Variants in AGBL4 observed in about 807,000 individuals in gnomAD.
AGBL4 encodes AGBL carboxypeptidase 4, also known as cytosolic carboxypeptidase 6.
In AGBL4, 58 loss-of-function variants were observed where a neutral mutation model predicts 66.4. The observed-to-expected ratio is 0.87, with a 90% CI of 0.71 to 1.09. AGBL4 has a LOEUF of 1.09. Ranked by LOEUF, AGBL4 falls within the 50% of genes least tolerant of loss-of-function variation. AGBL4 has a pLI of 0.00. For missense variants in AGBL4, 579 were observed against 631.0 expected (o/e 0.92, Z 0.88); for synonymous variants, 234 against 222.9 (o/e 1.05, Z -0.44).
At chr1:49,671,731 A>C (rs768025611) in intron 3 of AGBL4, among the ~76,000 whole-genome samples, 3 of 152,208 alleles carry the variant, frequency 2.0e-5, no homozygotes, top group Non-Finnish European at 4.4e-5. Flanking sequence ...GCATATGAAA[A>C]AAATCTCAAA....
intron 4 of AGBL4, among the ~76,000 whole-genome samples, chr1:49,100,462 G>C (rs1645181112): frequency 6.6e-6 from 1 of 152,204 alleles, no homozygotes; most frequent in Admixed American, 6.5e-5. Flanking sequence ...GGAGAATCTG[G>C]ATGGTGCATC....
chr1:48,601,618 C>T (rs1645074757), intron 9 of AGBL4, among the ~76,000 whole-genome samples: 1 of 152,184 alleles, frequency 6.6e-6, no homozygotes, highest in Non-Finnish European at 1.5e-5. Flanking sequence ...CACCATCTTG[C>T]ACATTTATAC....
At chr1:49,465,404 G>C (rs1646608917) in intron 3 of AGBL4, among the ~76,000 whole-genome samples, 1 of 151,664 alleles carries the variant, frequency 6.6e-6, no homozygotes, top group Non-Finnish European at 1.5e-5. Flanking sequence ...GTCAGAATAA[G>C]AGCTGCCTTA....
chr1:49,741,945 T>C (rs1277502584), intron 2 of AGBL4, among the ~76,000 whole-genome samples: 2 of 152,066 alleles, frequency 1.3e-5, no homozygotes, highest in Non-Finnish European at 2.9e-5. Context: ...GCCAATATCA[T>C]ACTGAATGGG....
At chr1:50,018,324 A>G (rs1383470112) in intron 1 of AGBL4, among the ~76,000 whole-genome samples, 1 of 152,154 alleles carries the variant, frequency 6.6e-6, no homozygotes, top group Non-Finnish European at 1.5e-5. Flanking sequence ...TGTTTTATGG[A>G]TCCCATTAAA....
intron 3 of AGBL4, among the ~76,000 whole-genome samples, chr1:49,681,026 T>C (rs1285669108): frequency 6.6e-6 from 1 of 152,180 alleles, no homozygotes; most frequent in Non-Finnish European, 1.5e-5. Flanking sequence ...AGTTTTTCTT[T>C]CATTTATTGT....
chr1:49,094,678 G>T (rs902983965), intron 4 of AGBL4, among the ~76,000 whole-genome samples: 2 of 151,928 alleles, frequency 1.3e-5, no homozygotes, highest in Non-Finnish European at 2.9e-5. Flanking sequence ...GTATTGATGG[G>T]CTGTATCTCA....
chr1:49,786,389 G>A (rs1044428191), intron 2 of AGBL4, among the ~76,000 whole-genome samples: 1 of 152,018 alleles, frequency 6.6e-6, no homozygotes, highest in African/African-American at 2.4e-5. Context: ...ATGGGTCTCT[G>A]GGACAAACAC....
intron 4 of AGBL4, among the ~76,000 whole-genome samples, chr1:49,109,991 C>T (rs891653745): frequency 2.0e-5 from 3 of 152,202 alleles, no homozygotes; most frequent in African/African-American, 4.8e-5. Flanking sequence ...CCCATCAACA[C>T]ACACATTCTA....
chr1:48,846,355 A>AAAG (rs1646909686), intron 6 of AGBL4, among the ~76,000 whole-genome samples: 1 of 144,140 alleles, frequency 6.9e-6, no homozygotes, highest in African/African-American at 2.6e-5. Context: ...AAGAAAGGAG[A>AAAG]AAGAAAGAAG....
intron 6 of AGBL4, among the ~76,000 whole-genome samples, chr1:48,816,312 T>TA: frequency 6.6e-6 from 1 of 152,278 alleles, no homozygotes; most frequent in South Asian, 2.1e-4. Context: ...GATGGGCAGA[T>TA]ACGATTTGAA....
At chr1:49,805,812 G>A (rs968365310) in intron 2 of AGBL4, among the ~76,000 whole-genome samples, 1 of 152,210 alleles carries the variant, frequency 6.6e-6, no homozygotes, top group Admixed American at 6.5e-5. Flanking sequence ...GACACAGCGA[G>A]AAGGCACATC....
chr1:49,331,325 A>C (rs1281208617), intron 3 of AGBL4, among the ~76,000 whole-genome samples: 1 of 152,032 alleles, frequency 6.6e-6, no homozygotes, highest in African/African-American at 2.4e-5. Context: ...ACCTCACAAG[A>C]TAAGACCAAC....
rs1002155391 is a variant in AGBL4, at chr1:48,699,548, C to T, written c.635-36307G>A. ...GAATCCACTCTGTCCATATACATGGCAAGACAAAGGTGCCAAAGAATTTAC... is the reference window on the plus strand; with the variant it reads ...GAATCCACTCTGTCCATATACATGGTAAGACAAAGGTGCCAAAGAATTTAC... On this transcript the variant is annotated intron_variant, in intron 6 of 13. Coordinates refer to ENST00000371839, the MANE Select transcript of AGBL4 (RefSeq NM_032785.4). 3.9e-5 allele frequency among the ~76,000 whole-genome samples: 6 copies of T among 152,278 alleles called. No individual in the cohort carries two copies. In the East Asian group the frequency reaches 7.7e-4, roughly 20 times the overall value.
At chr1:48,543,364 C>T (rs1293374816) in intron 11 of AGBL4, among the ~76,000 whole-genome samples, 2 of 151,136 alleles carry the variant, frequency 1.3e-5, no homozygotes, top group African/African-American at 4.9e-5. Flanking sequence ...GAGTGAGTAA[C>T]AGTGCAGAAA....
At chr1:48,559,191 T>G (rs1341596386) in intron 11 of AGBL4, among the ~76,000 whole-genome samples, 1 of 152,242 alleles carries the variant, frequency 6.6e-6, no homozygotes, top group Non-Finnish European at 1.5e-5. Flanking sequence ...GAACTGCTGA[T>G]GGCTGTCCTT....
chr1:49,596,330 C>A (rs750807997), intron 3 of AGBL4, among the ~76,000 whole-genome samples: 1 of 152,070 alleles, frequency 6.6e-6, no homozygotes, highest in Non-Finnish European at 1.5e-5. Flanking sequence ...CCACCATGCC[C>A]AATTGATTCT....
intron 1 of AGBL4, among the ~76,000 whole-genome samples, chr1:50,014,536 CTT>C (rs886696766): frequency 5.5e-5 from 6 of 109,018 alleles, no homozygotes; most frequent in Admixed American, 9.6e-5. Context: ...CAGAGGATTT[CTT>C]TTTTTTTTTT....
At chr1:49,114,260 T>C (rs1234397870) in intron 4 of AGBL4, among the ~76,000 whole-genome samples, 1 of 152,238 alleles carries the variant, frequency 6.6e-6, no homozygotes, top group Non-Finnish European at 1.5e-5. Context: ...GCACTTTTTA[T>C]GTTATGGAGA....
Sources: gnomAD v4.1 joint callset for allele counts (sites outside exome capture counted in the v4.1 genomes callset) on GRCh38, gnomAD v4.1.1 for gene constraint, MANE v1.5 for transcripts, NCBI Gene and HGNC (gene_info 2026-07-23, HGNC 2026-07-21) for gene names.